PDE3B: variants seen among roughly 807,000 people sequenced by gnomAD.
PDE3B encodes the protein cGMP-inhibited 3',5'-cyclic phosphodiesterase 3B.
PDE3B carries 66 observed loss-of-function variants against 116.8 expected under a neutral mutation model. The observed-to-expected ratio is 0.56, with a 90% CI of 0.46 to 0.69. PDE3B has a LOEUF of 0.69. Ranked by LOEUF, PDE3B falls within the 30% of genes least tolerant of loss-of-function variation. The pLI is 0.00. For synonymous variants in PDE3B, 595 were observed against 533.6 expected (o/e 1.12, Z -1.59); for missense variants, 1,384 against 1,368.1 (o/e 1.01, Z -0.18).
At chr11:14,663,273 C>A (rs531288755) in intron 1 of PDE3B, among the ~76,000 whole-genome samples, 1 of 152,062 alleles carries the variant, frequency 6.6e-6, no homozygotes, top group African/African-American at 2.4e-5. Flanking sequence ...GATTTTGTCA[C>A]CACCAGGCCT....
rs781997041 is a variant in PDE3B at position 14,871,136 on chromosome 11, T to C, written c.*1476T>C. The C allele has an allele frequency of 6.6e-6, 1 of 152,204 alleles. No individual in the cohort carries two copies. The highest frequency in any genetic ancestry group is 1.9e-4 in the East Asian group (1 of 5,202). 9.4% of individuals were successfully genotyped at this position (152,204 alleles called of 1,614,324 possible). ...TAGAATATGGTATTGGCATGCAGTT[T>C]CTTACTTATCTAGAATATTTGGCTT... is the stretch of plus-strand genomic sequence containing the variant. On this transcript the variant is annotated 3_prime_UTR_variant, in exon 16 of 16. Coordinates refer to ENST00000282096, the MANE Select transcript of PDE3B (RefSeq NM_000922.4).
intron 12 of PDE3B, among the ~76,000 whole-genome samples, chr11:14,850,718 T>G (rs552797633): frequency 2.6e-4 from 40 of 152,176 alleles, no homozygotes; most frequent in Non-Finnish European, 5.4e-4. Flanking sequence ...AAATATAAAA[T>G]TCCTTTAAGG....
chr11:14,820,176 A>T (rs1352709235), intron 7 of PDE3B, among the ~76,000 whole-genome samples: 1 of 151,828 alleles, frequency 6.6e-6, no homozygotes, highest in Non-Finnish European at 1.5e-5. Context: ...AAAAAGACTA[A>T]TTCTTCACAA....
chr11:14,879,037 T>C, the PDE3B span: 1 of 1,176,146 alleles, frequency 8.5e-7, no homozygotes, highest in Non-Finnish European at 1.3e-6. Flanking sequence ...AGAAGGATGC[T>C]TCAGATTAAG....
intron 1 of PDE3B, among the ~76,000 whole-genome samples, chr11:14,685,415 CAATT>C (rs1287005120): frequency 7.3e-6 from 1 of 136,548 alleles, no homozygotes; most frequent in Non-Finnish European, 1.6e-5. Flanking sequence ...TCTTGGAAGA[CAATT>C]AATCACTAAG....
chr11:14,703,580 G>T (rs564128402), intron 1 of PDE3B, among the ~76,000 whole-genome samples: 7 of 151,598 alleles, frequency 4.6e-5, no homozygotes, highest in Non-Finnish European at 8.9e-5. Context: ...TTGCATAAGA[G>T]ATCTTAGCAT....
At chr11:14,646,131 C>T (rs974904370) in intron 1 of PDE3B, among the ~76,000 whole-genome samples, 2 of 152,172 alleles carry the variant, frequency 1.3e-5, no homozygotes, top group Non-Finnish European at 2.9e-5. Flanking sequence ...TAAGAGCGTA[C>T]ACCCTAGGTT....
At chr11:14,745,798 G>A (rs2133870198) in intron 1 of PDE3B, among the ~76,000 whole-genome samples, 1 of 152,222 alleles carries the variant, frequency 6.6e-6, no homozygotes, top group Admixed American at 6.5e-5. Context: ...GACAGGAAAA[G>A]GAAAAGAATT....
chr11:14,792,390 A>AAT (rs1165533764), intron 4 of PDE3B, among the ~76,000 whole-genome samples: 3 of 150,284 alleles, frequency 2.0e-5, no homozygotes, highest in Non-Finnish European at 2.9e-5. Context: ...CAAACAATGA[A>AAT]ATATATATAA....
rs183331723 is a variant in PDE3B at position 14,809,259 on chromosome 11, G to A, written c.1522+5209G>A. On this transcript the variant is annotated intron_variant, in intron 5 of 15. Coordinates refer to ENST00000282096, the MANE Select transcript of PDE3B (RefSeq NM_000922.4). Reference sequence around the variant, plus strand: ...ATATATATCCAAGAGAAGTGAAACCGTAGGTCCACACAAAAACTTGTGCAT... The same window carrying A: ...ATATATATCCAAGAGAAGTGAAACCATAGGTCCACACAAAAACTTGTGCAT... Among the ~76,000 whole-genome samples the A allele has an allele frequency of 4.0e-4, 61 of 152,220 alleles. No individual in the cohort carries two copies. In the East Asian group the frequency reaches 0.01, roughly 26 times the overall value.
At chr11:14,878,944 CAG>C in the PDE3B span, among the ~76,000 whole-genome samples, 20 of 152,122 alleles carry the variant, frequency 1.3e-4, no homozygotes, top group Non-Finnish European at 2.6e-4. Flanking sequence ...TAAGCCGAAA[CAG>C]ATGTTAATTA....
At chr11:14,881,076 A>G in the PDE3B span, among the ~76,000 whole-genome samples, 1 of 152,124 alleles carries the variant, frequency 6.6e-6, no homozygotes, top group Admixed American at 6.5e-5. Flanking sequence ...AACTTTTACT[A>G]TAAGCCTAAT....
At chr11:14,647,752 A>G (rs1250844940) in intron 1 of PDE3B, among the ~76,000 whole-genome samples, 1 of 152,026 alleles carries the variant, frequency 6.6e-6, no homozygotes, top group Non-Finnish European at 1.5e-5. Context: ...AACTTCTATC[A>G]ATAGAAATGT....
intron 1 of PDE3B, among the ~76,000 whole-genome samples, chr11:14,645,820 C>G (rs1450040865): frequency 2.0e-5 from 3 of 151,416 alleles, no homozygotes; most frequent in Admixed American, 2.0e-4. Flanking sequence ...GAGTTTACAT[C>G]TTTATATAGT....
chr11:14,679,685 C>T (rs544313580), intron 1 of PDE3B, among the ~76,000 whole-genome samples: 1 of 151,726 alleles, frequency 6.6e-6, no homozygotes, highest in African/African-American at 2.4e-5. Flanking sequence ...GGTTCCTGAT[C>T]CCTACATGTG....
At chr11:14,872,622 G>C (rs1306665087), downstream of PDE3B, among the ~76,000 whole-genome samples, 2 of 152,190 alleles carry the variant, frequency 1.3e-5, no homozygotes, top group Non-Finnish European at 2.9e-5. Context: ...AACACGATTA[G>C]ATTTACATTT....
At chr11:14,649,353 A>G (rs572515702) in intron 1 of PDE3B, among the ~76,000 whole-genome samples, 1 of 152,334 alleles carries the variant, frequency 6.6e-6, no homozygotes, top group South Asian at 2.1e-4. Flanking sequence ...TTCAGAGTTT[A>G]TCTAATCTAA....
chr11:14,827,974 C>A (rs960026740), intron 7 of PDE3B, among the ~76,000 whole-genome samples: 1 of 152,062 alleles, frequency 6.6e-6, no homozygotes, highest in Non-Finnish European at 1.5e-5. Context: ...GACACATAGA[C>A]CAATGGGACA....
intron 12 of PDE3B, among the ~76,000 whole-genome samples, chr11:14,844,603 A>G (rs1236903284): frequency 2.0e-5 from 3 of 152,238 alleles, no homozygotes; most frequent in East Asian, 3.9e-4. Context: ...GGTGACAGAC[A>G]GCACCTGGAA....
Sources: allele counts gnomAD v4.1 joint callset (sites outside exome capture counted in the v4.1 genomes callset), GRCh38; gene constraint gnomAD v4.1.1; transcripts MANE v1.5; gene names NCBI Gene and HGNC (gene_info 2026-07-23, HGNC 2026-07-21).